The following KDR variants were observed in gnomAD, a reference collection of about 807,000 sequenced individuals.
KDR encodes kinase insert domain receptor.
In KDR, 43 loss-of-function variants were observed where a neutral mutation model predicts 160.9. The observed-to-expected ratio is 0.27, with a 90% CI of 0.21 to 0.34. The LOEUF is 0.34. KDR is among the 10% of genes least tolerant of loss of function. The probability of loss-of-function intolerance (pLI) is 1.00; values close to 1 mark genes in which losing one functional copy is unlikely to be tolerated. For synonymous variants in KDR, 617 were observed against 600.1 expected (o/e 1.03, Z -0.41); for missense variants, 1,469 against 1,666.4 (o/e 0.88, Z 2.06).
At position 55,115,364 on chromosome 4, in the gene KDR, C is replaced by T. The variant is rs35636987; in HGVS notation, c.406G>A (p.Val136Met). The T allele has an allele frequency of 4.8e-4, 743 of 1,555,858 alleles. 5 individuals carry two copies. The East Asian group carries it at 0.014, about 29-fold the overall frequency. ...TTGTTTTTGTTCTCAGTAATGTACACGACTCCATGTTGGTCACTAACAGAA... is the reference window on the plus strand; with the variant it reads ...TTGTTTTTGTTCTCAGTAATGTACATGACTCCATGTTGGTCACTAACAGAA... ...IASVSDQHGV[V>M]YITENKNKTV... Residue 136 changes from valine to methionine, a missense_variant, in exon 4 of 30, where the codon GTG (valine) becomes ATG (methionine). Val to Met is a conservative substitution (Grantham distance 21, BLOSUM62 1). Coordinates refer to ENST00000263923, the MANE Select transcript of KDR (RefSeq NM_002253.4).
chr4:55,082,972 C>A (rs186114069), intron 27 of KDR, among the ~76,000 whole-genome samples: 1 of 152,162 alleles, frequency 6.6e-6, no homozygotes, highest in South Asian at 2.1e-4. Flanking sequence ...ATTCCTCCAT[C>A]GAGCTCTGGA....
chr4:55,104,571 T>C (rs1348586654), intron 13 of KDR, 72 bp downstream of exon 13: 1 of 1,160,352 alleles, frequency 8.6e-7, no homozygotes, highest in South Asian at 1.3e-5. Context: ...AATCTTTGCA[T>C]AGCACCTGAA....
intron 15 of KDR, among the ~76,000 whole-genome samples, chr4:55,099,614 C>CTG (rs1720259437): frequency 6.6e-6 from 1 of 152,150 alleles, no homozygotes; most frequent in Non-Finnish European, 1.5e-5. Context: ...GGGAAATAAA[C>CTG]AAAATTTTTT....
chr4:55,089,277 T>G, intron 25 of KDR, 97 bp downstream of exon 25: 1 of 846,720 alleles, frequency 1.2e-6, no homozygotes, highest in South Asian at 1.4e-5. Flanking sequence ...GGACACTAAC[T>G]GGGCAATGAA....
At chr4:55,111,822 C>A (rs958072767) in intron 7 of KDR, among the ~76,000 whole-genome samples, 27 of 152,176 alleles carry the variant, frequency 1.8e-4, no homozygotes, top group Admixed American at 1.6e-3. Context: ...AAGAGCATAG[C>A]TTTGTAGTCA....
At chr4:55,119,358 C>T (rs1200127204) in intron 2 of KDR, among the ~76,000 whole-genome samples, 1 of 152,198 alleles carries the variant, frequency 6.6e-6, no homozygotes, top group Non-Finnish European at 1.5e-5. Flanking sequence ...TAAGCATCTA[C>T]TATGTGCCAA....
intron 13 of KDR, among the ~76,000 whole-genome samples, chr4:55,104,085 T>G (rs927581095): frequency 6.6e-6 from 1 of 152,010 alleles, no homozygotes; most frequent in African/African-American, 2.4e-5. Flanking sequence ...TCCCATGGAG[T>G]CTTCTAGGTC....
intron 18 of KDR, 150 bp downstream of exon 18, chr4:55,097,512 T>C (rs1019506311): frequency 1.6e-6 from 1 of 619,410 alleles, no homozygotes; most frequent in African/African-American, 1.8e-5. Flanking sequence ...GGAGGATCCT[T>C]TTTCCAATTT....
In KDR at chr4:55,113,494, G is replaced by T. The variant is rs1720650803; in HGVS notation, c.799-13C>A. On this transcript the variant is annotated splice_polypyrimidine_tract_variant and intron_variant, in intron 6 of 29. Coordinates refer to ENST00000263923, the MANE Select transcript of KDR (RefSeq NM_002253.4). The stretch of plus-strand genomic sequence containing the variant: ...TCTTATGCTGATGCTGAAAAAAAGA[G>T]TTGACTGAACTTCCAAAGCACAGCA... 6.2e-7 allele frequency: 1 copy of T among 1,613,270 alleles called. No individual in the cohort carries two copies. Among genetic ancestry groups the T allele is most frequent in the Non-Finnish European group, 8.5e-7 (1 of 1,179,314 alleles).
At chr4:55,115,935 A>G (rs956780196) in intron 3 of KDR, among the ~76,000 whole-genome samples, 2 of 152,222 alleles carry the variant, frequency 1.3e-5, no homozygotes, top group African/African-American at 2.4e-5. Context: ...GGAAACAGCT[A>G]ACACTTTTGA....
chr4:55,092,716 T>A lies in KDR; in HGVS notation c.2972-2A>T, dbSNP rs2110013815. On this transcript the variant is annotated splice_acceptor_variant, in intron 21 of 29. Coordinates refer to ENST00000263923, the MANE Select transcript of KDR (RefSeq NM_002253.4). LOFTEE classifies it high-confidence loss of function. The stretch of plus-strand genomic sequence containing the variant: ...AGTCCTTATACAGATCTTCAGGAGC[T>A]GTCCAAAGAGGCAGGAGGATGGAGA... 6.2e-7 allele frequency: 1 copy of A among 1,605,332 alleles called. No individual in the cohort carries two copies. The highest frequency in any genetic ancestry group is 8.5e-7 in the Non-Finnish European group (1 of 1,171,988).
At chr4:55,121,225 A>C in intron 1 of KDR, 35 bp from the exon 2 acceptor site, 1 of 1,467,942 alleles carries the variant, frequency 6.8e-7, no homozygotes, top group Non-Finnish European at 9.5e-7. Context: ...TGTAGTTGCC[A>C]CTGAGTTAGA....
intron 15 of KDR, among the ~76,000 whole-genome samples, chr4:55,100,286 C>T (rs1870378): frequency 0.21 from 32,069 of 152,100 alleles, 3,823 homozygotes; most frequent in East Asian, 0.47. Flanking sequence ...AATTTTGTTT[C>T]TCTGGTGGTC....
chr4:55,097,716 A>G lies in KDR; in HGVS notation c.2560T>C (p.Phe854Leu). Reference sequence around the variant, plus strand: ...CAAGTTGCTGTCTTGTCAATTCCAAAGGCATCTGCTTCAATCACTTGGCCA... The same window carrying G: ...CAAGTTGCTGTCTTGTCAATTCCAAGGGCATCTGCTTCAATCACTTGGCCA... ...AFGQVIEADA[F>L]GIDKTATCRT... The change falls in exon 18 of 30, where the codon TTT becomes CTT. Residue 854 changes from phenylalanine (F) to leucine (L), a missense_variant. By Grantham distance (22) the Phe-to-Leu change is conservative (BLOSUM62 0). Transcript: ENST00000263923. The G allele has an allele frequency of 6.2e-7, 1 of 1,613,348 alleles. No homozygotes were observed. The highest frequency in any genetic ancestry group is 8.5e-7 in the Non-Finnish European group (1 of 1,179,662).
intron 11 of KDR, among the ~76,000 whole-genome samples, chr4:55,106,391 A>AT (rs1267485719): frequency 1.3e-5 from 2 of 152,170 alleles, no homozygotes; most frequent in Non-Finnish European, 2.9e-5. Flanking sequence ...CATGAAACTA[A>AT]TGATGTGTTT....
chr4:55,108,373 G>C (rs1720494684), intron 9 of KDR, among the ~76,000 whole-genome samples: 1 of 152,094 alleles, frequency 6.6e-6, no homozygotes, highest in Non-Finnish European at 1.5e-5. Context: ...TCAGGGAAAG[G>C]CTACAGAAAA....
At chr4:55,108,501 G>A (rs1181504460) in intron 9 of KDR, among the ~76,000 whole-genome samples, 1 of 152,096 alleles carries the variant, frequency 6.6e-6, no homozygotes, top group Non-Finnish European at 1.5e-5. Flanking sequence ...CTTTATACGT[G>A]AGAAAAAAAT....
chr4:55,110,820 G>T, intron 7 of KDR, 52 bp from the exon 8 acceptor site: 1 of 1,435,894 alleles, frequency 7.0e-7, no homozygotes, highest in Non-Finnish European at 9.7e-7. Flanking sequence ...ATGGTCATTT[G>T]ATTTAGTTTT....
At chr4:55,101,740 T>A (rs1720314011) in intron 15 of KDR, among the ~76,000 whole-genome samples, 157 bp downstream of exon 15, 1 of 152,150 alleles carries the variant, frequency 6.6e-6, no homozygotes, top group African/African-American at 2.4e-5. Context: ...TAAGTGAGAA[T>A]GTGTGGCGTT....
Sources: gnomAD v4.1 joint callset for allele counts (sites outside exome capture counted in the v4.1 genomes callset) on GRCh38, gnomAD v4.1.1 for gene constraint, MANE v1.5 for transcripts, NCBI Gene and HGNC (gene_info 2026-07-23, HGNC 2026-07-21) for gene names.